KCNK13: variants seen among roughly 807,000 people sequenced by gnomAD.
The protein encoded by KCNK13 is potassium two pore domain channel subfamily K member 13.
A neutral mutation model predicts 23.4 loss-of-function variants in KCNK13; 12 were observed. The observed-to-expected ratio is 0.51, with a 90% CI of 0.33 to 0.83. The LOEUF (loss-of-function observed/expected upper bound fraction) is 0.83, where lower values mean the gene tolerates loss of function less well. Ranked by LOEUF, KCNK13 falls within the 40% of genes least tolerant of loss-of-function variation. The pLI is 0.02. For synonymous variants in KCNK13, 231 were observed against 229.5 expected, an observed-to-expected ratio of 1.01 and a Z score of -0.06; for missense variants, 463 against 556.3, an observed-to-expected ratio of 0.83 and a Z score of 1.69.
chr14:90,072,962 G>A (rs1889093542), intron 1 of KCNK13, among the ~76,000 whole-genome samples: 1 of 152,042 alleles, frequency 6.6e-6, no homozygotes, highest in Non-Finnish European at 1.5e-5. Flanking sequence ...CCATAAGATT[G>A]GTACTATTAA....
chr14:90,101,790 C>CAAAAAAAAAAAAAAAA (rs546423368), intron 1 of KCNK13, among the ~76,000 whole-genome samples: 2,543 of 55,528 alleles, frequency 0.046, 405 homozygotes, highest in Non-Finnish European at 0.07. Flanking sequence ...ACTCCGTCTC[C>CAAAAAAAAAAAAAAAA]AAAAAAAAAA....
intron 1 of KCNK13, among the ~76,000 whole-genome samples, chr14:90,173,451 A>G (rs1254663827): frequency 6.6e-6 from 1 of 152,222 alleles, no homozygotes; most frequent in Non-Finnish European, 1.5e-5. Flanking sequence ...GAACATATTC[A>G]TATTATGTGA....
At chr14:90,152,404 G>T (rs10145019) in intron 1 of KCNK13, among the ~76,000 whole-genome samples, 1 of 152,002 alleles carries the variant, frequency 6.6e-6, no homozygotes, top group Admixed American at 6.6e-5. Context: ...GCGTAGTGGC[G>T]CACACCTGTA....
chr14:90,165,307 G>C, intron 1 of KCNK13, among the ~76,000 whole-genome samples: 1 of 152,246 alleles, frequency 6.6e-6, no homozygotes. Context: ...TCAGGGTGGG[G>C]CTGGGACCCA....
At chr14:90,165,855 A>G (rs1013748973) in intron 1 of KCNK13, among the ~76,000 whole-genome samples, 5 of 152,172 alleles carry the variant, frequency 3.3e-5, no homozygotes, top group Non-Finnish European at 5.9e-5. Context: ...AAAGCAGAAA[A>G]CACAGCACTA....
chr14:90,172,976 C>T (rs1890382556), intron 1 of KCNK13, among the ~76,000 whole-genome samples: 1 of 152,240 alleles, frequency 6.6e-6, no homozygotes, highest in African/African-American at 2.4e-5. Context: ...AACCTGCCCC[C>T]TTCCAAGCCT....
chr14:90,067,392 G>A (rs895149310), intron 1 of KCNK13, among the ~76,000 whole-genome samples: 1 of 152,194 alleles, frequency 6.6e-6, no homozygotes, highest in African/African-American at 2.4e-5. Flanking sequence ...CCATTTATAT[G>A]AGGTACTTAG....
At chr14:90,112,530 G>C (rs1889627892) in intron 1 of KCNK13, among the ~76,000 whole-genome samples, 1 of 152,074 alleles carries the variant, frequency 6.6e-6, no homozygotes, top group Non-Finnish European at 1.5e-5. Flanking sequence ...AACACAAAAG[G>C]AAATATAATA....
rs146836123 is a variant in KCNK13, at chr14:90,113,663, T to C, written c.334+51124T>C. Among the ~76,000 whole-genome samples the C allele has an allele frequency of 8.2e-3, 1,253 of 152,296 alleles. 8 individuals are homozygous for C. The highest frequency in any genetic ancestry group is 0.027 in the South Asian group (129 of 4,828). On this transcript the variant is annotated intron_variant, in intron 1 of 1. Transcript: ENST00000282146. ...AGAAACTGAGAGAGGCCGGGCACGG[T>C]GGCTCATGCCTGTAATCCCAGCACT...
chr14:90,158,742 G>T (rs565881742), intron 1 of KCNK13, among the ~76,000 whole-genome samples: 1 of 152,256 alleles, frequency 6.6e-6, no homozygotes, highest in Non-Finnish European at 1.5e-5. Context: ...CATTGTCCTC[G>T]AGTCAAGGTC....
intron 1 of KCNK13, among the ~76,000 whole-genome samples, chr14:90,124,593 C>T (rs1889774386): frequency 6.6e-6 from 1 of 152,208 alleles, no homozygotes; most frequent in African/African-American, 2.4e-5. Context: ...CACAAGGAAA[C>T]GGGGACCTCG....
intron 1 of KCNK13, among the ~76,000 whole-genome samples, chr14:90,122,913 G>A (rs563337239): frequency 2.0e-5 from 3 of 152,230 alleles, no homozygotes; most frequent in South Asian, 2.1e-4. Flanking sequence ...TTCCCAGCAC[G>A]GTTCCGTCAC....
rs148057610 is a variant in KCNK13 at position 90,153,978 on chromosome 14, C to A, written c.335-30133C>A. 3.9e-4 allele frequency among the ~76,000 whole-genome samples: 60 copies of A among 152,294 alleles called. No individual in the cohort carries two copies. In the East Asian group the frequency reaches 0.011, roughly 27 times the overall value. On this transcript the variant is annotated intron_variant, in intron 1 of 1. Transcript: ENST00000282146. ...TGGGTCTTGGCATGGATCTTGCCCC[C>A]TGATGTGGTTAGTTCCAGTTGGACT...
At chr14:90,166,749 G>T (rs1861938252) in intron 1 of KCNK13, among the ~76,000 whole-genome samples, 1 of 151,908 alleles carries the variant, frequency 6.6e-6, no homozygotes, top group African/African-American at 2.4e-5. Context: ...TGGGTAGACT[G>T]TGGGTCTACC....
rs1596782627 is a variant in KCNK13, at chr14:90,111,222, C to T, written c.334+48683C>T. ...CTCCGTCCAAATCTCAGATTCTGTG[C>T]AAGTCAAGAAACTGCTCTGGGGTGT... On this transcript the variant is annotated intron_variant, in intron 1 of 1. Coordinates refer to ENST00000282146, the MANE Select transcript of KCNK13 (RefSeq NM_022054.4). Among the ~76,000 whole-genome samples, 4 of 152,292 alleles carry T rather than the reference C, an allele frequency of 2.6e-5. No individual in the cohort carries two copies. In the South Asian group the frequency reaches 6.2e-4, roughly 24 times the overall value.
At chr14:90,072,620 G>A (rs57882498) in intron 1 of KCNK13, among the ~76,000 whole-genome samples, 34,524 of 152,154 alleles carry the variant, frequency 0.23, 4,140 homozygotes, top group South Asian at 0.3. Flanking sequence ...CTTGTTCACA[G>A]AGGGTGAACC....
In KCNK13 at chr14:90,138,547, A is replaced by G. The variant is rs78843336; in HGVS notation, c.335-45564A>G. On this transcript the variant is annotated intron_variant, in intron 1 of 1. Transcript: ENST00000282146. ...GATTTGGAGGTTGTCTTTGGCTTTC[A>G]TATCAGCATTCCCTATTTACCATGG... Among the ~76,000 whole-genome samples the G allele has an allele frequency of 7.9e-5, 12 of 152,366 alleles. No individual in the cohort carries two copies. The East Asian group carries it at 2.3e-3, about 29-fold the overall frequency.
At chr14:90,064,684 CCT>C (rs1449822523) in intron 1 of KCNK13, among the ~76,000 whole-genome samples, 1 of 152,160 alleles carries the variant, frequency 6.6e-6, no homozygotes. Flanking sequence ...TAAGCCTGCC[CCT>C]GTCACAGGGT....
At chr14:90,161,681 G>A (rs1353590938) in intron 1 of KCNK13, among the ~76,000 whole-genome samples, 3 of 152,184 alleles carry the variant, frequency 2.0e-5, no homozygotes, top group Non-Finnish European at 4.4e-5. Context: ...GTTTGGTAAG[G>A]ATGTCATTTC....
Sources: allele counts gnomAD v4.1 joint callset (sites outside exome capture counted in the v4.1 genomes callset), GRCh38; gene constraint gnomAD v4.1.1; transcripts MANE v1.5; gene names NCBI Gene and HGNC (gene_info 2026-07-23, HGNC 2026-07-21).